Variants in NWD1 observed in about 807,000 individuals in gnomAD.
NWD1 encodes NACHT domain- and WD repeat-containing protein 1.
NWD1 carries 129 observed loss-of-function variants against 135.1 expected under a neutral mutation model. That is an observed-to-expected ratio of 0.96 (90% confidence interval 0.83 to 1.11). NWD1 has a LOEUF of 1.11. NWD1 is among the 50% of genes least tolerant of loss of function. The pLI, the probability that NWD1 is intolerant of heterozygous loss-of-function variation, is 0.00. For missense variants in NWD1, 1,740 were observed against 1,851.3 expected (o/e 0.94, Z 1.10); for synonymous variants, 773 against 786.0 (o/e 0.98, Z 0.28).
intron 1 of NWD1, among the ~76,000 whole-genome samples, chr19:16,720,715 G>A (rs540681981): frequency 3.2e-4 from 49 of 152,052 alleles, no homozygotes; most frequent in African/African-American, 1.1e-3. Flanking sequence ...CCACATGCCC[G>A]GCTAATTTTT....
At chr19:16,762,851 C>T (rs1398314686) in intron 8 of NWD1, among the ~76,000 whole-genome samples, 1 of 151,908 alleles carries the variant, frequency 6.6e-6, no homozygotes, top group African/African-American at 2.4e-5. Flanking sequence ...CTGGCATGAT[C>T]TCAGGTCACT....
intron 2 of NWD1, among the ~76,000 whole-genome samples, chr19:16,729,577 T>TAAAAAAAAAAAAAAAAAAAAAAA (rs537329853): frequency 2.4e-5 from 3 of 125,032 alleles, no homozygotes; most frequent in African/African-American, 8.9e-5. Flanking sequence ...TTACAAAAAG[T>TAAAAAAAAAAAAAAAAAAAAAAA]AAAAAAAAAA....
At chr19:16,803,747 A>ACT (rs1970670250) in intron 17 of NWD1, among the ~76,000 whole-genome samples, 1 of 148,314 alleles carries the variant, frequency 6.7e-6, no homozygotes. Flanking sequence ...CGAAACCCCA[A>ACT]CTCTACTTAA....
chr19:16,773,278 C>T lies in NWD1; in HGVS notation c.2563C>T (p.Pro855Ser), dbSNP rs759139370. 3.7e-6 allele frequency: 6 copies of T among 1,613,248 alleles called. No homozygotes were observed. The highest frequency in any genetic ancestry group is 1.3e-5 in the African/African-American group (1 of 75,046). Residue 855 changes from proline (P) to serine (S), a missense_variant, in exon 11 of 19, where the codon CCC (proline) becomes TCC (serine). Coordinates refer to ENST00000524140, the MANE Select transcript of NWD1 (RefSeq NM_001007525.5). ...VLVPLGGFLQ[P>S]PGGPLRATLS... ...GGTGCCCCTCGGAGGATTCCTCCAG[C>T]CCCCGGGAGGACCCCTCCGGGCAAC...
chr19:16,726,475 G>A (rs1401386505), intron 2 of NWD1, among the ~76,000 whole-genome samples: 2 of 150,486 alleles, frequency 1.3e-5, no homozygotes, highest in Admixed American at 6.6e-5. Context: ...GTGTCTTGCT[G>A]TGTCACCAGG....
rs376197344 is a variant in NWD1 at position 16,736,511 on chromosome 19, C to A, written c.82-123C>A. On this transcript the variant is annotated intron_variant, in intron 3 of 18. Coordinates refer to ENST00000524140, the MANE Select transcript of NWD1 (RefSeq NM_001007525.5). ...GTTCAAGTTCTTTTAATCCAGACAT[C>A]CCCCTACAGGAAGAGGCTGTCAAAA... is the stretch of plus-strand genomic sequence containing the variant. 9.1e-5 allele frequency: 60 copies of A among 656,392 alleles called. 1 individual carries two copies. In the East Asian group the frequency reaches 1.1e-3, roughly 12 times the overall value. 40.7% of individuals were successfully genotyped at this position (656,392 alleles called of 1,614,324 possible). A position where few individuals can be genotyped will look rare whatever the true frequency, so the allele number is the denominator to read the frequency against.
intron 3 of NWD1, among the ~76,000 whole-genome samples, chr19:16,732,689 G>A (rs1319663339): frequency 9.7e-6 from 1 of 102,804 alleles, no homozygotes; most frequent in Non-Finnish European, 2.0e-5. Context: ...AAAAAGTGCA[G>A]TGGTGTGATC....
chr19:16,742,881 CTAT>C (rs34646876), intron 4 of NWD1, among the ~76,000 whole-genome samples: 40,785 of 132,620 alleles, frequency 0.31, 6,149 homozygotes, highest in East Asian at 0.38. Context: ...ACTATGTTGC[CTAT>C]TATTATTATT....
intron 12 of NWD1, among the ~76,000 whole-genome samples, chr19:16,783,363 G>T (rs1969926342): frequency 6.6e-6 from 1 of 152,032 alleles, no homozygotes; most frequent in African/African-American, 2.4e-5. Context: ...GGTGGGGAAC[G>T]GTGGCTCATG....
intron 10 of NWD1, among the ~76,000 whole-genome samples, chr19:16,769,837 T>G (rs983232797): frequency 2.0e-5 from 3 of 152,184 alleles, no homozygotes; most frequent in African/African-American, 7.2e-5. Flanking sequence ...CTTGGCTCTT[T>G]TTCTTTTTTC....
chr19:16,762,009 C>T lies in NWD1; in HGVS notation c.2004C>T (p.Tyr668=), dbSNP rs764732783. The T allele has an allele frequency of 6.2e-7, 1 of 1,614,060 alleles. No homozygotes were observed. The highest frequency in any genetic ancestry group is 2.2e-5 in the East Asian group (1 of 44,878). ...RQLVEVVRER[Y]LSGSERAKRH... ...TGGTCGAGGTGGTCCGTGAGCGCTA[C>T]CTGTCAGGATCCGAGAGAGCCAAGA... Residue 668 remains tyrosine, a synonymous_variant, in exon 8 of 19, where the codon TAC becomes TAT. Coordinates refer to ENST00000524140, the MANE Select transcript of NWD1 (RefSeq NM_001007525.5).
chr19:16,744,214 C>T (rs1418275127), intron 4 of NWD1, among the ~76,000 whole-genome samples: 2 of 151,872 alleles, frequency 1.3e-5, no homozygotes, highest in Admixed American at 1.3e-4. Flanking sequence ...TGTAGTGAGA[C>T]CCTATCTGTA....
At chr19:16,785,018 G>T (rs912888702) in intron 12 of NWD1, among the ~76,000 whole-genome samples, 16 of 151,978 alleles carry the variant, frequency 1.1e-4, no homozygotes, top group Non-Finnish European at 5.9e-5. Context: ...GAAATGTCCA[G>T]AACAGACTAA....
intron 12 of NWD1, among the ~76,000 whole-genome samples, chr19:16,785,791 T>C: frequency 6.8e-6 from 1 of 147,516 alleles, no homozygotes; most frequent in South Asian, 2.1e-4. Flanking sequence ...CATAAATATA[T>C]AAATATATAC....
At position 16,789,135 on chromosome 19, in the gene NWD1, G is replaced by T; in HGVS notation, c.2885G>T (p.Trp962Leu). The change falls in exon 13 of 19, where the codon TGG becomes TTG. Residue 962 changes from tryptophan (W) to leucine (L), a missense_variant. Coordinates refer to ENST00000524140, the MANE Select transcript of NWD1 (RefSeq NM_001007525.5). ...AAAAATCCCGCTGAACCTCAGATCT[G>T]GAACCTTCATGTGGATGAGGCACAC... ...GSKNPAEPQI[W>L]NLHVDEAHKV... 6.2e-7 allele frequency: 1 copy of T among 1,614,012 alleles called. No individual in the cohort carries two copies. The highest frequency in any genetic ancestry group is 8.5e-7 in the Non-Finnish European group (1 of 1,179,956).
chr19:16,724,652 T>A (rs1319094494), intron 2 of NWD1, among the ~76,000 whole-genome samples, 189 bp downstream of exon 2: 1 of 152,136 alleles, frequency 6.6e-6, no homozygotes, highest in African/African-American at 2.4e-5. Context: ...GCCTGCCAAG[T>A]TCCAGCCTTG....
rs1788215124 is a variant in NWD1 at position 16,817,706 on chromosome 19, G to C, written c.*2667G>C. 1 of 151,864 alleles carries C rather than the reference G, an allele frequency of 6.6e-6. No homozygotes were observed. Among genetic ancestry groups the C allele is most frequent in the Admixed American group, 6.6e-5 (1 of 15,226 alleles). The allele number at this position is 151,864 out of a possible 1,614,324, so 9.4% of individuals were successfully genotyped here. A position where few individuals can be genotyped will look rare whatever the true frequency, so the allele number is the denominator to read the frequency against. The stretch of plus-strand genomic sequence containing the variant: ...TTCATTTAACTGATTTAACTGAAGA[G>C]CCCAATTAAATTGTGAAGGGAGCCC... On this transcript the variant is annotated 3_prime_UTR_variant, in exon 19 of 19. Coordinates refer to ENST00000524140, the MANE Select transcript of NWD1 (RefSeq NM_001007525.5).
At chr19:16,798,757 G>C (rs1297163125) in intron 16 of NWD1, among the ~76,000 whole-genome samples, 3 of 151,878 alleles carry the variant, frequency 2.0e-5, no homozygotes, top group Admixed American at 2.0e-4. Flanking sequence ...CTCGCAAGTA[G>C]CTGGGATTTC....
At position 16,791,729 on chromosome 19, in the gene NWD1, T is replaced by C. The variant is rs1970253616; in HGVS notation, c.3213+107T>C. 5 of 1,216,398 alleles carry C rather than the reference T, an allele frequency of 4.1e-6. No homozygotes were observed. In the East Asian group the frequency reaches 1.2e-4, roughly 28 times the overall value. The allele number at this position is 1,216,398 out of a possible 1,614,324, so 75.4% of individuals were successfully genotyped here. A position where few individuals can be genotyped will look rare whatever the true frequency, so the allele number is the denominator to read the frequency against. ...CTTGCCTTGTATCTTTGTTTTGTTT[T>C]GGAGATGAAGTTTCACTTTTGTTGC... On this transcript the variant is annotated intron_variant, in intron 14 of 18. Coordinates refer to ENST00000524140, the MANE Select transcript of NWD1 (RefSeq NM_001007525.5).
Sources: allele counts gnomAD v4.1 joint callset (sites outside exome capture counted in the v4.1 genomes callset), GRCh38; gene constraint gnomAD v4.1.1; transcripts MANE v1.5; gene names NCBI Gene and HGNC (gene_info 2026-07-23, HGNC 2026-07-21).